Variants in CPEB1 observed in about 807,000 individuals in gnomAD.
CPEB1 encodes the protein cytoplasmic polyadenylation element-binding protein 1.
In CPEB1, 7 loss-of-function variants were observed where a neutral mutation model predicts 65.8. The observed-to-expected ratio is 0.11, with a 90% CI of 0.06 to 0.20. CPEB1 has a LOEUF of 0.20. Ranked by LOEUF, CPEB1 falls within the 10% of genes least tolerant of loss-of-function variation. The pLI is 1.00. For synonymous variants in CPEB1, 262 were observed against 260.0 expected (o/e 1.01, Z -0.08); for missense variants, 551 against 712.2 (o/e 0.77, Z 2.58).
At chr15:82,571,924 C>A in intron 3 of CPEB1, 1 of 918,410 alleles carries the variant, frequency 1.1e-6, no homozygotes, top group South Asian at 4.6e-5. Flanking sequence ...GACAGCACAA[C>A]AGCTACTTGG....
chr15:82,634,578 T>C (rs1436719942), intron 1 of CPEB1, among the ~76,000 whole-genome samples: 2 of 152,226 alleles, frequency 1.3e-5, no homozygotes, highest in Admixed American at 6.5e-5. Context: ...GAGAAATTTA[T>C]AGAAGACTGT....
At chr15:82,596,191 A>T (rs1051274130) in intron 3 of CPEB1, among the ~76,000 whole-genome samples, 9 of 152,208 alleles carry the variant, frequency 5.9e-5, no homozygotes, top group Non-Finnish European at 1.3e-4. Flanking sequence ...ATTAGGTCTA[A>T]TTTTTACTAA....
At chr15:82,554,606 C>T (rs148723282) in intron 6 of CPEB1, among the ~76,000 whole-genome samples, 11 of 152,250 alleles carry the variant, frequency 7.2e-5, no homozygotes, top group African/African-American at 2.2e-4. Flanking sequence ...AGCATGGTAA[C>T]GTAATGAATC....
Position 82,610,501 on chromosome 15 carries a change from G to C in CPEB1, c.271+16692C>G, listed in dbSNP as rs77019565. Reference sequence around the variant, plus strand: ...GACCAAATGGGGTTTATCCTAAGAAGACAAGGTTGGTTCATTATAAGAAAA... The same window carrying C: ...GACCAAATGGGGTTTATCCTAAGAACACAAGGTTGGTTCATTATAAGAAAA... On this transcript the variant is annotated intron_variant, in intron 3 of 12. Transcript: ENST00000684509. Among the ~76,000 whole-genome samples, 1,513 of 151,764 alleles carry C rather than the reference G, an allele frequency of 1.0e-2. 26 individuals are homozygous for C. Among genetic ancestry groups the C allele is most frequent in the African/African-American group, 0.034 (1,394 of 41,374 alleles).
intron 3 of CPEB1, among the ~76,000 whole-genome samples, chr15:82,625,230 A>G (rs532223980): frequency 1.1e-4 from 16 of 152,254 alleles, no homozygotes; most frequent in African/African-American, 3.6e-4. Context: ...AGCGTAAACT[A>G]AAAGAGAATT....
intron 1 of CPEB1, among the ~76,000 whole-genome samples, chr15:82,638,215 T>G (rs1353862275): frequency 1.3e-5 from 2 of 152,186 alleles, no homozygotes; most frequent in East Asian, 3.8e-4. Flanking sequence ...AATGGTAACT[T>G]CTTAAAGATT....
chr15:82,553,997 G>A lies in CPEB1; in HGVS notation c.941-6C>T, dbSNP rs763454983. 12 of 1,561,624 alleles carry A rather than the reference G, an allele frequency of 7.7e-6. No individual in the cohort carries two copies. The highest frequency in any genetic ancestry group is 1.1e-5 in the Non-Finnish European group (12 of 1,142,650). On this transcript the variant is annotated splice_polypyrimidine_tract_variant and splice_region_variant and intron_variant, in intron 6 of 12. Coordinates refer to ENST00000684509, the MANE Select transcript of CPEB1 (RefSeq NM_001365242.1). ...ACAGGTGGCTTCATTCACAGCTTTG[G>A]TAGATGGCAAAGAGATAAACAGGGG...
intron 3 of CPEB1, among the ~76,000 whole-genome samples, chr15:82,589,732 A>C (rs2042069767): frequency 6.6e-6 from 1 of 152,170 alleles, no homozygotes; most frequent in Non-Finnish European, 1.5e-5. Context: ...AAAAAAAAAA[A>C]AAATTGTATT....
At chr15:82,584,034 T>C (rs783536) in intron 3 of CPEB1, among the ~76,000 whole-genome samples, 67,436 of 151,500 alleles carry the variant, frequency 0.45, 14,988 homozygotes, top group South Asian at 0.5. Context: ...TCGAGGCAGG[T>C]GGATCACAAG....
At chr15:82,574,717 G>A (rs1222572009) in intron 3 of CPEB1, among the ~76,000 whole-genome samples, 5 of 53,712 alleles carry the variant, frequency 9.3e-5, no homozygotes, top group Non-Finnish European at 1.6e-4. Flanking sequence ...AGCTAGACTC[G>A]GTCTCAAAAA....
At position 82,553,536 on chromosome 15, in the gene CPEB1, G is replaced by A. The variant is rs1287067981; in HGVS notation, c.1075C>T (p.Arg359Cys). 9 of 1,612,734 alleles carry A rather than the reference G, an allele frequency of 5.6e-6. No homozygotes were observed. Among genetic ancestry groups the A allele is most frequent in the African/African-American group, 4.0e-5 (3 of 74,850 alleles). ...TCCACACTCAAAGAGCCAAAAACAC[G>A]GAAGGTGTTAACTAATCCAGCTGCA... ...ITEAGLVNTFRVFGSLSVEWP... is the reference protein window; with the variant it reads ...ITEAGLVNTFCVFGSLSVEWP... Residue 359 changes from arginine (R) to cysteine (C), a missense_variant, in exon 8 of 13, where the codon CGT (arginine) becomes TGT (cysteine). Physicochemically the swap from Arg to Cys is radical, Grantham distance 180. Coordinates refer to ENST00000684509, the MANE Select transcript of CPEB1 (RefSeq NM_001365242.1).
intron 3 of CPEB1, 123 bp downstream of exon 3, chr15:82,627,070 A>C: frequency 1.4e-6 from 1 of 733,578 alleles, no homozygotes; most frequent in Non-Finnish European, 2.1e-6. Context: ...ACAAAAAGGC[A>C]AGTATTGCCA....
intron 3 of CPEB1, among the ~76,000 whole-genome samples, chr15:82,586,863 G>A (rs996767091): frequency 5.3e-5 from 8 of 152,140 alleles, no homozygotes; most frequent in Admixed American, 1.3e-4. Context: ...TGCTAGTAAG[G>A]ATGTCTGCTG....
chr15:82,620,430 G>T (rs10162807), intron 3 of CPEB1, among the ~76,000 whole-genome samples: 1 of 146,080 alleles, frequency 6.8e-6, no homozygotes, highest in Admixed American at 6.8e-5. Flanking sequence ...GTCTCAAAAA[G>T]AAAAAAAAAG....
At chr15:82,615,684 T>G (rs1021413268) in intron 3 of CPEB1, among the ~76,000 whole-genome samples, 1 of 152,176 alleles carries the variant, frequency 6.6e-6, no homozygotes, top group East Asian at 1.9e-4. Context: ...AACTGGAATT[T>G]TGAAGTATGA....
intron 3 of CPEB1, among the ~76,000 whole-genome samples, chr15:82,614,702 A>G (rs983842604): frequency 6.6e-6 from 1 of 152,166 alleles, no homozygotes; most frequent in African/African-American, 2.4e-5. Flanking sequence ...ACTGAGGATT[A>G]GAAATCCAAG....
At chr15:82,588,105 T>TTTTTGTTTTTGTA (rs2151131839) in intron 3 of CPEB1, among the ~76,000 whole-genome samples, 2 of 122,112 alleles carry the variant, frequency 1.6e-5, no homozygotes, top group South Asian at 5.4e-4. Flanking sequence ...TTTTGTTTGT[T>TTTTTGTTTTTGTA]TTTTGTTTTT....
intron 3 of CPEB1, among the ~76,000 whole-genome samples, chr15:82,598,733 C>A (rs911765175): frequency 6.6e-6 from 1 of 151,998 alleles, no homozygotes; most frequent in Non-Finnish European, 1.5e-5. Context: ...TACAGTGACC[C>A]AAGATCATGC....
At chr15:82,570,482 T>C (rs2151046401) in intron 4 of CPEB1, among the ~76,000 whole-genome samples, 1 of 151,446 alleles carries the variant, frequency 6.6e-6, no homozygotes, top group East Asian at 2.0e-4. Context: ...CTTGTAAGTA[T>C]ACCTGTAGTG....
Sources: allele counts gnomAD v4.1 joint callset (sites outside exome capture counted in the v4.1 genomes callset), GRCh38; gene constraint gnomAD v4.1.1; transcripts MANE v1.5; gene names NCBI Gene and HGNC (gene_info 2026-07-23, HGNC 2026-07-21).